ATXN1: variants seen among roughly 807,000 people sequenced by gnomAD.
The protein encoded by ATXN1 is ataxin 1.
Under a neutral mutation model 56.4 loss-of-function variants are expected in ATXN1, and 8 were observed. The observed-to-expected ratio is 0.14, with a 90% CI of 0.08 to 0.26. The LOEUF is 0.26. Among genes scored for constraint, ATXN1 ranks in the 10% least tolerant of loss-of-function variants. ATXN1 has a pLI of 1.00. For synonymous variants in ATXN1, 514 were observed against 494.6 expected (o/e 1.04, Z -0.52); for missense variants, 987 against 1,106.5 (o/e 0.89, Z 1.53).
chr6:16,683,693 T>G (rs181242824), intron 2 of ATXN1, among the ~76,000 whole-genome samples: 1 of 152,200 alleles, frequency 6.6e-6, no homozygotes, highest in African/African-American at 2.4e-5. Flanking sequence ...GTTTGTAACT[T>G]TGAACTCCAT....
rs140247236 is a variant in ATXN1 at position 16,391,630 on chromosome 6, G to A, written c.-160-63160C>T. Among the ~76,000 whole-genome samples, 156 of 152,296 alleles carry A rather than the reference G, an allele frequency of 1.0e-3. 2 individuals carry two copies. The highest frequency in any genetic ancestry group is 0.01 in the Middle Eastern group (3 of 294). On this transcript the variant is annotated intron_variant, in intron 6 of 7. Coordinates refer to ENST00000436367, the MANE Select transcript of ATXN1 (RefSeq NM_001128164.2). ...CAGTTTAAGTGTTGGTTTTTAAACT[G>A]TAACTCTGAAGGCAAACAACTGGCA... is the stretch of plus-strand genomic sequence containing the variant.
intron 6 of ATXN1, among the ~76,000 whole-genome samples, chr6:16,422,619 T>C (rs1759060573): frequency 6.6e-6 from 1 of 152,198 alleles, no homozygotes; most frequent in African/African-American, 2.4e-5. Flanking sequence ...GTATTAATTG[T>C]TCCTTCCTAA....
intron 4 of ATXN1, among the ~76,000 whole-genome samples, chr6:16,523,575 A>C (rs550174431): frequency 1.3e-5 from 2 of 152,302 alleles, no homozygotes; most frequent in East Asian, 3.9e-4. Flanking sequence ...GCTGTGAAGA[A>C]GTCTTAATAA....
intron 3 of ATXN1, among the ~76,000 whole-genome samples, chr6:16,636,094 T>A (rs1763592605): frequency 6.6e-6 from 1 of 152,178 alleles, no homozygotes; most frequent in Non-Finnish European, 1.5e-5. Context: ...ACCCTCCCCA[T>A]GACCTGCCTC....
chr6:16,723,990 T>C (rs1759797409), intron 2 of ATXN1, among the ~76,000 whole-genome samples: 1 of 152,180 alleles, frequency 6.6e-6, no homozygotes, highest in African/African-American at 2.4e-5. Flanking sequence ...AAGTTCAAAG[T>C]AACCTCAAGC....
At chr6:16,730,485 A>ATATATATATATC (rs1759946058) in intron 2 of ATXN1, among the ~76,000 whole-genome samples, 1 of 118,416 alleles carries the variant, frequency 8.4e-6, no homozygotes, top group Non-Finnish European at 1.7e-5. Flanking sequence ...GTAAAACAGT[A>ATATATATATATC]TGTATATATA....
chr6:16,413,365 A>G (rs1479209594), intron 6 of ATXN1, among the ~76,000 whole-genome samples: 1 of 152,082 alleles, frequency 6.6e-6, no homozygotes, highest in African/African-American at 2.4e-5. Context: ...TAAGGTACAA[A>G]TATAGTTTGT....
intron 6 of ATXN1, among the ~76,000 whole-genome samples, chr6:16,393,043 T>C (rs9464900): frequency 0.14 from 21,919 of 152,188 alleles, 1,866 homozygotes; most frequent in African/African-American, 0.23. Context: ...CATTTTCTTT[T>C]AAGAAGTTTC....
chr6:16,413,194 A>G (rs1215545076), intron 6 of ATXN1, among the ~76,000 whole-genome samples: 3 of 152,218 alleles, frequency 2.0e-5, no homozygotes, highest in South Asian at 2.1e-4. Context: ...TGATGACTCT[A>G]TTTAAAGACA....
intron 2 of ATXN1, among the ~76,000 whole-genome samples, chr6:16,687,657 T>TACACACACACATACAC (rs374530653): frequency 3.0e-4 from 43 of 143,394 alleles, no homozygotes; most frequent in African/African-American, 1.1e-3. Context: ...AAAGAAGAAA[T>TACACACACACATACAC]ACACACACAC....
At chr6:16,430,427 T>C (rs1471422746) in intron 6 of ATXN1, among the ~76,000 whole-genome samples, 1 of 152,184 alleles carries the variant, frequency 6.6e-6, no homozygotes, top group Non-Finnish European at 1.5e-5. Flanking sequence ...AGCTGACAGT[T>C]ATTATGAGTA....
intron 3 of ATXN1, among the ~76,000 whole-genome samples, chr6:16,607,878 C>T (rs1016821854): frequency 6.6e-6 from 1 of 152,178 alleles, no homozygotes; most frequent in Non-Finnish European, 1.5e-5. Flanking sequence ...AGGAAAAAGA[C>T]GTGCTTGGTC....
chr6:16,308,368 ACT>A (rs1178193256), intron 7 of ATXN1, among the ~76,000 whole-genome samples: 3 of 139,590 alleles, frequency 2.1e-5, no homozygotes, highest in Non-Finnish European at 4.7e-5. Flanking sequence ...ACACACACAC[ACT>A]TCCTGGGTTG....
chr6:16,662,977 T>A (rs1293284413), intron 2 of ATXN1, among the ~76,000 whole-genome samples: 1 of 151,330 alleles, frequency 6.6e-6, no homozygotes, highest in Non-Finnish European at 1.5e-5. Context: ...GGATTTTTTT[T>A]TTTTTTTTTT....
rs1034749581 is a variant in ATXN1 at position 16,661,897 on chromosome 6, A to C, written c.-614-3996T>G. Among the ~76,000 whole-genome samples the C allele has an allele frequency of 3.3e-5, 5 of 152,314 alleles. No homozygotes were observed. The East Asian group carries it at 9.6e-4, about 29-fold the overall frequency. On this transcript the variant is annotated intron_variant, in intron 2 of 7. Coordinates refer to ENST00000436367, the MANE Select transcript of ATXN1 (RefSeq NM_001128164.2). The stretch of plus-strand genomic sequence containing the variant: ...TTAACAACTTGACTACAACCTCATG[A>C]AAGACTTGGAGCTAGAGACACCCAG...
At chr6:16,671,544 A>G (rs1177057066) in intron 2 of ATXN1, among the ~76,000 whole-genome samples, 1 of 152,182 alleles carries the variant, frequency 6.6e-6, no homozygotes, top group African/African-American at 2.4e-5. Context: ...TATGTGTCAC[A>G]AAGTTCATAA....
chr6:16,760,202 C>T lies in ATXN1; in HGVS notation c.-730+1096G>A, dbSNP rs556730038. On this transcript the variant is annotated intron_variant, in intron 1 of 7. Coordinates refer to ENST00000436367, the MANE Select transcript of ATXN1 (RefSeq NM_001128164.2). The surrounding 1 kb of genome is among the most constrained non-coding windows in gnomAD (Gnocchi z 5.3). ...CCCAGAGTGAACGAGCAGTGGGGCT[C>T]CAGGGCGCATCCCAATCCCCGCAGC... 6.6e-6 allele frequency among the ~76,000 whole-genome samples: 1 copy of T among 151,932 alleles called. No individual in the cohort carries two copies. The highest frequency in any genetic ancestry group is 2.4e-5 in the African/African-American group (1 of 41,370).
chr6:16,366,251 C>A (rs1397067039), intron 6 of ATXN1, among the ~76,000 whole-genome samples: 1 of 152,102 alleles, frequency 6.6e-6, no homozygotes, highest in Non-Finnish European at 1.5e-5. Flanking sequence ...GACCACTTGT[C>A]CTCTTGGAGG....
In ATXN1 at chr6:16,299,667, C is replaced by T. The variant is rs1220206777; in HGVS notation, c.*6662G>A. 2 of 152,576 alleles carry T rather than the reference C, an allele frequency of 1.3e-5. No homozygotes were observed. The highest frequency in any genetic ancestry group is 4.8e-5 in the African/African-American group (2 of 41,420). The allele number at this position is 152,576 out of a possible 1,614,324, so 9.5% of individuals were successfully genotyped here. A position where few individuals can be genotyped will look rare whatever the true frequency, so the allele number is the denominator to read the frequency against. On this transcript the variant is annotated 3_prime_UTR_variant, in exon 8 of 8. Transcript: ENST00000436367. ...TCTGATATTAAAACATCCAGTAGTA[C>T]GAGTCTCAGAGATGGCTCTGGAGCC... is the stretch of plus-strand genomic sequence containing the variant.
Sources: allele counts gnomAD v4.1 joint callset (sites outside exome capture counted in the v4.1 genomes callset), GRCh38; gene constraint gnomAD v4.1.1; non-coding constraint Gnocchi (gnomAD v3.1); transcripts MANE v1.5; gene names NCBI Gene and HGNC (gene_info 2026-07-23, HGNC 2026-07-21).